TBC1D2B: variants seen among roughly 807,000 people sequenced by gnomAD.
TBC1D2B encodes TBC1 domain family member 2B.
Under a neutral mutation model 100.8 loss-of-function variants are expected in TBC1D2B, and 64 were observed. The ratio of observed to expected loss-of-function variants is 0.64; its 90% CI spans 0.52 to 0.78. The LOEUF (loss-of-function observed/expected upper bound fraction) is 0.78. TBC1D2B is among the 30% of genes least tolerant of loss of function. The probability of loss-of-function intolerance (pLI) is 0.00; values close to 1 mark genes in which losing one functional copy is unlikely to be tolerated. For missense variants in TBC1D2B, 1,052 were observed against 1,218.4 expected, an observed-to-expected ratio of 0.86 and a Z score of 2.03; for synonymous variants, 480 against 479.7, an observed-to-expected ratio of 1.00 and a Z score of -0.01.
intron 1 of TBC1D2B, among the ~76,000 whole-genome samples, chr15:78,065,647 C>T (rs897601711): frequency 2.0e-5 from 3 of 152,204 alleles, no homozygotes; most frequent in Non-Finnish European, 2.9e-5. Context: ...CCTGCAGCCA[C>T]AGCCTGTAGC....
chr15:78,019,821 G>A (rs914680152), intron 6 of TBC1D2B, among the ~76,000 whole-genome samples: 1 of 151,806 alleles, frequency 6.6e-6, no homozygotes, highest in Admixed American at 6.6e-5. Flanking sequence ...CCCAGGAGGT[G>A]GAGGCTGCAG....
intron 1 of TBC1D2B, among the ~76,000 whole-genome samples, chr15:78,075,223 G>A (rs1325391937): frequency 6.6e-6 from 1 of 151,316 alleles, no homozygotes; most frequent in Non-Finnish European, 1.5e-5. Flanking sequence ...TTTTTGAGAT[G>A]GAGTCTCACT....
intron 6 of TBC1D2B, among the ~76,000 whole-genome samples, chr15:78,022,942 G>A (rs2072552641): frequency 6.6e-6 from 1 of 152,112 alleles, no homozygotes; most frequent in Non-Finnish European, 1.5e-5. Context: ...TAAATCCTCT[G>A]GGCCTCACAT....
chr15:78,025,340 C>T lies in TBC1D2B; in HGVS notation c.1005G>A (p.Lys335=), dbSNP rs760766681. The T allele has an allele frequency of 1.2e-6, 2 of 1,613,826 alleles. No homozygotes were observed. The highest frequency in any genetic ancestry group is 1.1e-5 in the South Asian group (1 of 91,078). The part of the protein sequence containing the change: ...TSGSGSVSIR[K]PASEMQLQVQ... ...CCTGCAGTTGCATTTCGGAGGCCGG[C>T]TTCCTGATGCTGACGCTGCCACTGC... Residue 335 remains lysine, a synonymous_variant, in exon 5 of 13, where the codon AAG becomes AAA. Coordinates refer to ENST00000300584, the MANE Select transcript of TBC1D2B (RefSeq NM_144572.2).
intron 2 of TBC1D2B, among the ~76,000 whole-genome samples, chr15:78,048,475 C>A (rs1291056245): frequency 6.6e-6 from 1 of 152,234 alleles, no homozygotes; most frequent in East Asian, 1.9e-4. Flanking sequence ...GACTAGTGTT[C>A]ATGAACATGT....
chr15:78,061,881 T>A (rs1233118919), intron 1 of TBC1D2B, among the ~76,000 whole-genome samples: 1 of 152,034 alleles, frequency 6.6e-6, no homozygotes, highest in Non-Finnish European at 1.5e-5. Flanking sequence ...TATAAAGGTA[T>A]GGAAGGGATG....
chr15:78,069,519 C>G (rs566024123), intron 1 of TBC1D2B, among the ~76,000 whole-genome samples: 1 of 152,344 alleles, frequency 6.6e-6, no homozygotes, highest in South Asian at 2.1e-4. Flanking sequence ...CATAAAAATA[C>G]TAGGCATGAC....
rs936250941 is a variant in TBC1D2B, at chr15:78,054,215, T to G, written c.361-28A>C. 2.5e-6 allele frequency: 4 copies of G among 1,604,236 alleles called. No individual in the cohort carries two copies. In the African/African-American group the frequency reaches 5.4e-5, roughly 22 times the overall value. The stretch of plus-strand genomic sequence containing the variant: ...AGAAAGAGGGAGGGGAAAAACATGT[T>G]ATGGCCACCAGTAATATGAAGAGCT... On this transcript the variant is annotated intron_variant, in intron 1 of 12. Transcript: ENST00000300584.
chr15:78,039,751 TACACACACACACACACACACAC>T (rs3972618), intron 3 of TBC1D2B, among the ~76,000 whole-genome samples: 1 of 147,992 alleles, frequency 6.8e-6, no homozygotes, highest in Non-Finnish European at 1.5e-5. Flanking sequence ...AGAGGCTTAC[TACACACACACACACACACACAC>T]ACACACACAC....
intron 9 of TBC1D2B, among the ~76,000 whole-genome samples, chr15:78,011,004 G>C (rs2072207992): frequency 6.6e-6 from 1 of 152,190 alleles, no homozygotes; most frequent in Non-Finnish European, 1.5e-5. Flanking sequence ...CCAGGACCCT[G>C]AGTTTCACGG....
At chr15:78,052,705 T>G (rs1167385067) in intron 2 of TBC1D2B, among the ~76,000 whole-genome samples, 3 of 152,158 alleles carry the variant, frequency 2.0e-5, no homozygotes, top group Non-Finnish European at 2.9e-5. Context: ...CTGAGGCAAA[T>G]CAAGCACCTC....
chr15:78,017,964 GAA>G lies in TBC1D2B; in HGVS notation c.1471-9_1471-8del, dbSNP rs35403054. On this transcript the variant is annotated splice_region_variant and splice_polypyrimidine_tract_variant and intron_variant, in intron 6 of 12. Transcript: ENST00000300584. The stretch of plus-strand genomic sequence containing the variant: ...TGTACCCCTGTAGATTATCCTGTTA[GAA>G]AAAAAAAAAATCCCTGAATTCACAT... The G allele has an allele frequency of 8.0e-4, 938 of 1,177,906 alleles. No homozygotes were observed. Among genetic ancestry groups the G allele is most frequent in the Non-Finnish European group, 8.8e-4 (758 of 864,730 alleles). The allele number at this position is 1,177,906 out of a possible 1,614,324, so 73.0% of individuals were successfully genotyped here. A position where few individuals can be genotyped will look rare whatever the true frequency, so the allele number is the denominator to read the frequency against.
chr15:78,024,332 T>G lies in TBC1D2B; in HGVS notation c.1294A>C (p.Lys432Gln), dbSNP rs935670313. 1 of 1,613,976 alleles carries G rather than the reference T, an allele frequency of 6.2e-7. No homozygotes were observed. Among genetic ancestry groups the G allele is most frequent in the African/African-American group, 1.3e-5 (1 of 74,952 alleles). ...LQQEVRTLKS[K>Q]VGELNEQLGM... ...AGCTGCTCGTTGAGCTCGCCCACTT[T>G]GCTCTTCAGCGTCCTTACTTCCTGC... Residue 432 changes from lysine (K) to glutamine (Q), a missense_variant, in exon 6 of 13, where the codon AAA becomes CAA. Lys to Gln is a moderately conservative substitution (Grantham distance 53, BLOSUM62 1). Transcript: ENST00000300584.
In TBC1D2B at chr15:77,996,830, A is replaced by C. The variant is rs1245820839; in HGVS notation, c.*1330T>G. The C allele has an allele frequency of 1.3e-5, 2 of 152,310 alleles. No individual in the cohort carries two copies. Among genetic ancestry groups the C allele is most frequent in the East Asian group, 3.9e-4 (2 of 5,190 alleles). The allele number at this position is 152,310 out of a possible 1,614,324, so 9.4% of individuals were successfully genotyped here. ...ATGAAACATTCCACTGAGATCATTT[A>C]TCTTGTATTTTCATAACACTGTGCC... is the stretch of plus-strand genomic sequence containing the variant. On this transcript the variant is annotated 3_prime_UTR_variant, in exon 13 of 13. Transcript: ENST00000300584.
Position 78,016,810 on chromosome 15 carries a change from GA to G in TBC1D2B, c.1582-72del, listed in dbSNP as rs1401527237. ...AAGAGCAATCTTTAGGTACGCAAATGACCAGTGAACAACAAACCCAAAACTA... is the reference window on the plus strand; with the variant it reads ...AAGAGCAATCTTTAGGTACGCAAATGCCAGTGAACAACAAACCCAAAACTA... On this transcript the variant is annotated intron_variant, in intron 7 of 12. Transcript: ENST00000300584. The G allele has an allele frequency of 2.3e-6, 3 of 1,310,872 alleles. No homozygotes were observed. The African/African-American group carries it at 4.5e-5, about 20-fold the overall frequency. 81.2% of individuals were successfully genotyped at this position (1,310,872 alleles called of 1,614,324 possible). A position where few individuals can be genotyped will look rare whatever the true frequency, so the allele number is the denominator to read the frequency against.
At chr15:78,060,364 G>A (rs1331298703) in intron 1 of TBC1D2B, among the ~76,000 whole-genome samples, 11 of 151,918 alleles carry the variant, frequency 7.2e-5, no homozygotes, top group South Asian at 4.2e-4. Flanking sequence ...GAGGCCAGGC[G>A]CAGTGGCTCA....
rs2072303221 is a variant in TBC1D2B at position 78,013,982 on chromosome 15, G to T, written c.1776-665C>A. Among the ~76,000 whole-genome samples the T allele has an allele frequency of 2.0e-5, 3 of 152,214 alleles. No individual in the cohort carries two copies. In the South Asian group the frequency reaches 6.2e-4, roughly 32 times the overall value. Reference sequence around the variant, plus strand: ...GTCAGGCAGGAGAGACGGGAGGTGTGAGAGGGGCTGGACCTGCTGCTGCTG... The same window carrying T: ...GTCAGGCAGGAGAGACGGGAGGTGTTAGAGGGGCTGGACCTGCTGCTGCTG... On this transcript the variant is annotated intron_variant, in intron 8 of 12. Transcript: ENST00000300584.
intron 3 of TBC1D2B, among the ~76,000 whole-genome samples, chr15:78,043,056 T>C (rs1230103080): frequency 6.6e-6 from 1 of 152,168 alleles, no homozygotes; most frequent in Admixed American, 6.5e-5. Flanking sequence ...CCCCTGACAT[T>C]CAGCTCCAAT....
chr15:78,027,824 C>T (rs745784094), intron 4 of TBC1D2B, among the ~76,000 whole-genome samples: 5 of 152,240 alleles, frequency 3.3e-5, no homozygotes, highest in Non-Finnish European at 5.9e-5. Flanking sequence ...GTAGCATTAT[C>T]AGCTCGTACT....
Sources: gnomAD v4.1 joint callset for allele counts (sites outside exome capture counted in the v4.1 genomes callset) on GRCh38, gnomAD v4.1.1 for gene constraint, MANE v1.5 for transcripts, NCBI Gene and HGNC (gene_info 2026-07-23, HGNC 2026-07-21) for gene names.